Variants in SPPL3 observed in about 807,000 individuals in gnomAD.
SPPL3 encodes the protein signal peptide peptidase-like 3.
Under a neutral mutation model 42.4 loss-of-function variants are expected in SPPL3, and 5 were observed. That is an observed-to-expected ratio of 0.12 (90% confidence interval 0.06 to 0.25). The LOEUF is 0.25. SPPL3 is among the 10% of genes least tolerant of loss of function. The pLI, the probability that SPPL3 is intolerant of heterozygous loss-of-function variation, is 1.00. For synonymous variants in SPPL3, 195 were observed against 181.8 expected, an observed-to-expected ratio of 1.07 and a Z score of -0.58; for missense variants, 235 against 489.0, an observed-to-expected ratio of 0.48 and a Z score of 4.90.
At chr12:120,805,013 T>G (rs986733975) in intron 2 of SPPL3, among the ~76,000 whole-genome samples, 1 of 151,966 alleles carries the variant, frequency 6.6e-6, no homozygotes, top group Admixed American at 6.6e-5. Flanking sequence ...ATACGAGAGG[T>G]CCAGAATAGG....
chr12:120,781,575 T>A (rs1013630048), intron 6 of SPPL3, among the ~76,000 whole-genome samples: 1 of 123,332 alleles, frequency 8.1e-6, no homozygotes, highest in African/African-American at 3.3e-5. Context: ...TTTTTTTTTT[T>A]TTTTTTTTTT....
At chr12:120,806,675 C>T (rs529068946) in intron 2 of SPPL3, among the ~76,000 whole-genome samples, 405 of 151,956 alleles carry the variant, frequency 2.7e-3, no homozygotes, top group Non-Finnish European at 3.8e-3. Flanking sequence ...TGTGAAACCA[C>T]GTCTCTACTA....
intron 1 of SPPL3, among the ~76,000 whole-genome samples, chr12:120,834,324 T>C (rs909025126): frequency 3.9e-5 from 6 of 152,088 alleles, no homozygotes; most frequent in African/African-American, 1.4e-4. Context: ...AAATGGGCAA[T>C]GGAGTGGTGA....
intron 2 of SPPL3, among the ~76,000 whole-genome samples, chr12:120,798,834 A>G (rs770485668): frequency 1.3e-5 from 2 of 152,116 alleles, no homozygotes; most frequent in African/African-American, 2.4e-5. Flanking sequence ...TGTTGGCATT[A>G]TATCGCTATT....
chr12:120,887,723 ACAAT>A (rs1309726515), intron 1 of SPPL3, among the ~76,000 whole-genome samples: 6 of 152,218 alleles, frequency 3.9e-5, no homozygotes, highest in Non-Finnish European at 7.3e-5. Context: ...ACTTCTAAAA[ACAAT>A]CAGACCTAAC....
In SPPL3 at chr12:120,856,503, C is replaced by CTTTT. The variant is rs35137934; in HGVS notation, c.24-45621_24-45618dup. ...TGGTGTGGAGATGAACAATTTTCAT[C>CTTTT]TTTTTTTTTTTTTTTTTTTTTTTTG... On this transcript the variant is annotated intron_variant, in intron 1 of 10. Coordinates refer to ENST00000353487, the MANE Select transcript of SPPL3 (RefSeq NM_139015.5). 5.7e-3 allele frequency among the ~76,000 whole-genome samples: 507 copies of CTTTT among 89,104 alleles called. 3 individuals carry two copies. The highest frequency in any genetic ancestry group is 7.9e-3 in the Non-Finnish European group (377 of 47,822). 58.5% of individuals were successfully genotyped at this position (89,104 alleles called of 152,430 possible).
rs1486061163 is a variant in SPPL3 at position 120,873,775 on chromosome 12, G to C, written c.23+30070C>G. Among the ~76,000 whole-genome samples the C allele has an allele frequency of 6.6e-5, 10 of 152,080 alleles. No homozygotes were observed. The South Asian group carries it at 1.5e-3, about 22-fold the overall frequency. ...TAATCCCAGCTACTCAGGAGGCTGAGGCAGGACAATCACTTGAAACCGGGA... is the reference window on the plus strand; with the variant it reads ...TAATCCCAGCTACTCAGGAGGCTGACGCAGGACAATCACTTGAAACCGGGA... On this transcript the variant is annotated intron_variant, in intron 1 of 10. Transcript: ENST00000353487.
chr12:120,817,325 T>C (rs1043476178), intron 1 of SPPL3, among the ~76,000 whole-genome samples: 4 of 152,140 alleles, frequency 2.6e-5, no homozygotes, highest in African/African-American at 9.7e-5. Context: ...TATTTTTATA[T>C]TGTTTTGCTT....
At chr12:120,870,714 T>C (rs1056101596) in intron 1 of SPPL3, among the ~76,000 whole-genome samples, 1 of 152,068 alleles carries the variant, frequency 6.6e-6, no homozygotes, top group African/African-American at 2.4e-5. Flanking sequence ...GAAGACATGA[T>C]AAGTGAAGTA....
intron 1 of SPPL3, among the ~76,000 whole-genome samples, chr12:120,855,002 G>A (rs1872404127): frequency 6.6e-6 from 1 of 152,134 alleles, no homozygotes; most frequent in South Asian, 2.1e-4. Context: ...CAAGGGGCAG[G>A]GAAGGGACAG....
chr12:120,849,631 G>A (rs1872159314), intron 1 of SPPL3, among the ~76,000 whole-genome samples: 1 of 152,164 alleles, frequency 6.6e-6, no homozygotes, highest in Non-Finnish European at 1.5e-5. Flanking sequence ...CTGAAAATAT[G>A]TCCAAGAAAA....
chr12:120,845,858 T>TTATCTATCTATC lies in SPPL3; in HGVS notation c.24-34984_24-34973dup, dbSNP rs60954976. 2.6e-3 allele frequency among the ~76,000 whole-genome samples: 376 copies of TTATCTATCTATC among 147,414 alleles called. 1 individual carries two copies. The highest frequency in any genetic ancestry group is 7.3e-3 in the East Asian group (36 of 4,952). On this transcript the variant is annotated intron_variant, in intron 1 of 10. Coordinates refer to ENST00000353487, the MANE Select transcript of SPPL3 (RefSeq NM_139015.5). ...TACTATTTTAATTGCTTAGAATCCATTATCTATCTATCTATCTATCTATCT... is the reference window on the plus strand; with the variant it reads ...TACTATTTTAATTGCTTAGAATCCATTATCTATCTATCTATCTATCTATCTATCTATCTATCT...
At chr12:120,851,195 G>C (rs1872210039) in intron 1 of SPPL3, among the ~76,000 whole-genome samples, 1 of 152,128 alleles carries the variant, frequency 6.6e-6, no homozygotes, top group Admixed American at 6.5e-5. Context: ...CTTAGCCACA[G>C]TGATATAGTC....
chr12:120,889,207 A>G (rs573880422), intron 1 of SPPL3, among the ~76,000 whole-genome samples: 17 of 152,352 alleles, frequency 1.1e-4, no homozygotes, highest in African/African-American at 3.8e-4. Context: ...AAATGTGCCT[A>G]TATGAAATGC....
chr12:120,773,388 C>T (rs185465621), intron 6 of SPPL3, among the ~76,000 whole-genome samples: 13 of 152,288 alleles, frequency 8.5e-5, no homozygotes, highest in Admixed American at 7.8e-4. Flanking sequence ...TGTTCATGGA[C>T]TTACAGGTGA....
At chr12:120,880,122 A>G (rs990234090) in intron 1 of SPPL3, among the ~76,000 whole-genome samples, 1 of 151,946 alleles carries the variant, frequency 6.6e-6, no homozygotes, top group African/African-American at 2.4e-5. Flanking sequence ...ACTGGAGGAC[A>G]GGATGAAAAA....
chr12:120,874,452 C>CAAAA (rs71076673), intron 1 of SPPL3, among the ~76,000 whole-genome samples: 1 of 97,412 alleles, frequency 1.0e-5, no homozygotes, highest in Non-Finnish European at 1.9e-5. Context: ...GACCCTGTCG[C>CAAAA]AAAAAAAAAA....
rs1488215618 is a variant in SPPL3 at position 120,903,736 on chromosome 12, C to CA, written c.23+108_23+109insT. On this transcript the variant is annotated intron_variant, in intron 1 of 10. Coordinates refer to ENST00000353487, the MANE Select transcript of SPPL3 (RefSeq NM_139015.5). ...GGGGCGTGCACCCCAACCCGCGCCC[C>CA]CCCCCCACGACACGCACCTGTTCTT... 3 of 646,326 alleles carry CA rather than the reference C, an allele frequency of 4.6e-6. No homozygotes were observed. The South Asian group carries it at 6.3e-5, about 14-fold the overall frequency. The allele number at this position is 646,326 out of a possible 1,614,324, so 40.0% of individuals were successfully genotyped here. A position where few individuals can be genotyped will look rare whatever the true frequency, so the allele number is the denominator to read the frequency against.
chr12:120,767,422 A>G lies in SPPL3; in HGVS notation c.945T>C (p.Phe315=). The part of the protein sequence containing the change: ...ISGRMQKVSY[F]HCTLIGYFVG... ...CAAAGTATCCGATGAGGGTGCAGTG[A>G]AAGTAGGAGACCTTCTGCATGCGCC... Residue 315 remains phenylalanine, a synonymous_variant, in exon 9 of 11, where the codon TTT becomes TTC. Coordinates refer to ENST00000353487, the MANE Select transcript of SPPL3 (RefSeq NM_139015.5). 1.2e-6 allele frequency: 2 copies of G among 1,613,460 alleles called. No individual in the cohort carries two copies. Among genetic ancestry groups the G allele is most frequent in the Non-Finnish European group, 1.7e-6 (2 of 1,180,032 alleles).
Sources: allele counts gnomAD v4.1 joint callset (sites outside exome capture counted in the v4.1 genomes callset), GRCh38; gene constraint gnomAD v4.1.1; transcripts MANE v1.5; gene names NCBI Gene and HGNC (gene_info 2026-07-23, HGNC 2026-07-21).